The following CHP1 variants were observed in gnomAD, a reference collection of about 807,000 sequenced individuals.
The protein encoded by CHP1 is calcineurin B homologous protein 1.
In CHP1, 11 loss-of-function variants were observed where a neutral mutation model predicts 27.4. The ratio of observed to expected loss-of-function variants is 0.40; its 90% CI spans 0.25 to 0.67. The LOEUF is 0.67. Among genes scored for constraint, CHP1 ranks in the 30% least tolerant of loss-of-function variants. CHP1 has a pLI of 0.38. For missense variants in CHP1, 169 were observed against 251.3 expected (o/e 0.67, Z 2.22); for synonymous variants, 89 against 87.4 (o/e 1.02, Z -0.10).
At chr15:41,249,462 C>CTTTTTTTTTTT in intron 2 of CHP1, among the ~76,000 whole-genome samples, 1 of 78,480 alleles carries the variant, frequency 1.3e-5, no homozygotes, top group Non-Finnish European at 2.3e-5. Flanking sequence ...CCTTCACCTT[C>CTTTTTTTTTTT]TTTTTTTTTT....
At chr15:41,254,153 T>A (rs2047386579) in intron 2 of CHP1, among the ~76,000 whole-genome samples, 1 of 152,122 alleles carries the variant, frequency 6.6e-6, no homozygotes, top group Admixed American at 6.6e-5. Flanking sequence ...TGACTGGAAC[T>A]ACATTATATA....
intron 1 of CHP1, among the ~76,000 whole-genome samples, chr15:41,242,612 T>C (rs2047312422): frequency 6.9e-6 from 1 of 144,870 alleles, no homozygotes; most frequent in African/African-American, 2.6e-5. Flanking sequence ...AAGTTGAGGC[T>C]CTGTCCCCCA....
intron 4 of CHP1, among the ~76,000 whole-genome samples, chr15:41,266,267 G>C (rs777449142): frequency 6.6e-6 from 1 of 151,868 alleles, no homozygotes; most frequent in Non-Finnish European, 1.5e-5. Context: ...TGGGCAATAA[G>C]AGTGAAACTC....
intron 1 of CHP1, among the ~76,000 whole-genome samples, chr15:41,236,331 G>A (rs1477531955): frequency 6.6e-6 from 1 of 151,874 alleles, no homozygotes; most frequent in Non-Finnish European, 1.5e-5. Flanking sequence ...GCATGATCAC[G>A]GCTCACTGCA....
intron 2 of CHP1, among the ~76,000 whole-genome samples, chr15:41,252,927 GTTTTTTTTTTTTTTTTTT>G (rs144891496): frequency 3.0e-5 from 2 of 65,792 alleles, no homozygotes; most frequent in Admixed American, 2.8e-4. Flanking sequence ...ATTTCACATG[GTTTTTTTTTTTTTTTTTT>G]TTTTTTTTTT....
In CHP1 at chr15:41,263,567, T is replaced by G. The variant is rs72739604; in HGVS notation, c.349+684T>G. ...TCTTTTTATTCAGTACAAGTTGAAA[T>G]TACAGTTGTATTAAAACTGACTGAA... On this transcript the variant is annotated intron_variant, in intron 4 of 6. Transcript: ENST00000334660. Among the ~76,000 whole-genome samples the G allele has an allele frequency of 4.8e-3, 725 of 152,318 alleles. 4 individuals carry two copies. The highest frequency in any genetic ancestry group is 8.3e-3 in the Non-Finnish European group (568 of 68,040).
At chr15:41,244,665 A>C (rs2047324620) in intron 2 of CHP1, among the ~76,000 whole-genome samples, 1 of 152,194 alleles carries the variant, frequency 6.6e-6, no homozygotes, top group Admixed American at 6.5e-5. Context: ...CCCATGACAA[A>C]TAATTATTCT....
At chr15:41,243,859 C>G in intron 2 of CHP1, 120 bp downstream of exon 2, 1 of 763,358 alleles carries the variant, frequency 1.3e-6, no homozygotes, top group Admixed American at 2.6e-5. Flanking sequence ...ATAGCAAGGA[C>G]CATTTCTCTA....
Position 41,231,303 on chromosome 15 carries a change from G to T in CHP1, c.-80G>T, listed in dbSNP as rs769268978. 38 of 1,360,936 alleles carry T rather than the reference G, an allele frequency of 2.8e-5. No homozygotes were observed. The highest frequency in any genetic ancestry group is 3.9e-5 in the Non-Finnish European group (38 of 973,836). The allele number at this position is 1,360,936 out of a possible 1,614,324, so 84.3% of individuals were successfully genotyped here. ...CTGCCCTCTCCCTTCTTGACCCCTA[G>T]CCCTTCCTTCCCTCCCTCCTTCCCT... On this transcript the variant is annotated 5_prime_UTR_variant, in exon 1 of 7. Transcript: ENST00000334660.
At chr15:41,254,404 A>G (rs758251476) in intron 2 of CHP1, among the ~76,000 whole-genome samples, 1 of 152,238 alleles carries the variant, frequency 6.6e-6, no homozygotes, top group Non-Finnish European at 1.5e-5. Context: ...AAAAGTGAGT[A>G]GTTATTGTTT....
chr15:41,231,305 C>G lies in CHP1; in HGVS notation c.-78C>G, dbSNP rs1243033356. ...GCCCTCTCCCTTCTTGACCCCTAGC[C>G]CTTCCTTCCCTCCCTCCTTCCCTCC... On this transcript the variant is annotated 5_prime_UTR_variant, in exon 1 of 7. Transcript: ENST00000334660. 1 of 1,377,854 alleles carries G rather than the reference C, an allele frequency of 7.3e-7. No homozygotes were observed. Among genetic ancestry groups the G allele is most frequent in the Non-Finnish European group, 1.0e-6 (1 of 988,824 alleles). The allele number at this position is 1,377,854 out of a possible 1,614,324, so 85.4% of individuals were successfully genotyped here.
At chr15:41,263,901 C>T (rs887999269) in intron 4 of CHP1, among the ~76,000 whole-genome samples, 73 of 152,094 alleles carry the variant, frequency 4.8e-4, no homozygotes, top group African/African-American at 1.6e-3. Flanking sequence ...ACAAAATCTT[C>T]GAAATAGCAC....
intron 5 of CHP1, among the ~76,000 whole-genome samples, chr15:41,278,224 G>A (rs868138404): frequency 1.3e-4 from 20 of 150,850 alleles, no homozygotes; most frequent in Middle Eastern, 3.4e-3. Context: ...TCCTAGCTAC[G>A]CAGGAGGCTG....
In CHP1 at chr15:41,278,664, G is replaced by T. The variant is rs1163104283; in HGVS notation, c.412-103G>T. The T allele has an allele frequency of 6.5e-6, 9 of 1,382,650 alleles. No homozygotes were observed. In the East Asian group the frequency reaches 7.1e-5, roughly 11 times the overall value. 85.6% of individuals were successfully genotyped at this position (1,382,650 alleles called of 1,614,324 possible). On this transcript the variant is annotated intron_variant, in intron 5 of 6. Coordinates refer to ENST00000334660, the MANE Select transcript of CHP1 (RefSeq NM_007236.5). ...ATGCAGTGCATGACTGTATTTGAGG[G>T]CATCAAAGGAAAAGGAGGATGGTGA... is the stretch of plus-strand genomic sequence containing the variant.
intron 1 of CHP1, among the ~76,000 whole-genome samples, chr15:41,237,412 G>A (rs150353136): frequency 3.6e-4 from 54 of 151,830 alleles, no homozygotes; most frequent in African/African-American, 1.3e-3. Context: ...CCTCCCAAAG[G>A]GCTAGGATTA....
intron 3 of CHP1, among the ~76,000 whole-genome samples, chr15:41,262,276 C>T (rs1023129090): frequency 2.0e-5 from 3 of 151,940 alleles, no homozygotes; most frequent in Non-Finnish European, 4.4e-5. Flanking sequence ...ATTTTAAAAG[C>T]GGCCTTTCCA....
intron 2 of CHP1, 24 bp downstream of exon 2, chr15:41,243,763 T>G (rs569013616): frequency 6.2e-7 from 1 of 1,608,832 alleles, no homozygotes; most frequent in South Asian, 1.1e-5. Flanking sequence ...TTCTTTATTT[T>G]CCTCACAGAA....
At chr15:41,257,941 C>T (rs1323950659) in intron 3 of CHP1, among the ~76,000 whole-genome samples, 2 of 152,198 alleles carry the variant, frequency 1.3e-5, no homozygotes, top group Non-Finnish European at 2.9e-5. Context: ...ACCATGTTTT[C>T]AGTGCACATA....
At chr15:41,256,122 G>A (rs1432319203) in intron 2 of CHP1, among the ~76,000 whole-genome samples, 2 of 152,184 alleles carry the variant, frequency 1.3e-5, no homozygotes, top group Admixed American at 6.6e-5. Context: ...TAGGAGTAGT[G>A]TGGCTTTGGG....
Sources: gnomAD v4.1 joint callset for allele counts (sites outside exome capture counted in the v4.1 genomes callset) on GRCh38, gnomAD v4.1.1 for gene constraint, MANE v1.5 for transcripts, NCBI Gene and HGNC (gene_info 2026-07-23, HGNC 2026-07-21) for gene names.